Variants in ABCA13 observed in about 807,000 individuals in gnomAD.
ABCA13 encodes ATP-binding cassette sub-family A member 13.
ABCA13 carries 476 observed loss-of-function variants against 478.7 expected under a neutral mutation model. That is an observed-to-expected ratio of 0.99 (90% CI 0.92 to 1.07). The LOEUF (loss-of-function observed/expected upper bound fraction) is 1.07. Among genes scored for constraint, ABCA13 ranks in the 50% least tolerant of loss-of-function variants. The pLI, the probability that ABCA13 is intolerant of heterozygous loss-of-function variation, is 0.00. For synonymous variants in ABCA13, 2,252 were observed against 2,158.9 expected (o/e 1.04, Z -1.20); for missense variants, 6,060 against 5,910.6 (o/e 1.03, Z -0.83).
chr7:48,249,718 A>T (rs1223915957), intron 15 of ABCA13, among the ~76,000 whole-genome samples: 1 of 152,190 alleles, frequency 6.6e-6, no homozygotes, highest in Non-Finnish European at 1.5e-5. Flanking sequence ...ATTAAGATTG[A>T]TGCTCACACT....
At chr7:48,256,723 T>C (rs1403975549) in intron 15 of ABCA13, among the ~76,000 whole-genome samples, 4 of 152,194 alleles carry the variant, frequency 2.6e-5, no homozygotes, top group South Asian at 2.1e-4. Flanking sequence ...TCTGTAGCCA[T>C]GTAGTATAGT....
chr7:48,294,426 T>G (rs1185830491), intron 20 of ABCA13, among the ~76,000 whole-genome samples: 3 of 39,410 alleles, frequency 7.6e-5, no homozygotes, highest in East Asian at 7.2e-3. Flanking sequence ...TTTCTATGGG[T>G]TTTTTTTTTT....
intron 55 of ABCA13, among the ~76,000 whole-genome samples, chr7:48,576,480 A>G (rs1325570652): frequency 1.3e-5 from 2 of 152,114 alleles, no homozygotes; most frequent in East Asian, 3.9e-4. Context: ...GTATGCCCAG[A>G]CCTCTGTAAG....
intron 2 of ABCA13, among the ~76,000 whole-genome samples, chr7:48,196,034 A>G (rs1347469174): frequency 6.6e-6 from 1 of 152,182 alleles, no homozygotes; most frequent in Non-Finnish European, 1.5e-5. Flanking sequence ...GGGCAAAAAA[A>G]GCTTGCATGC....
chr7:48,368,595 ATAGT>A (rs1812071780), intron 32 of ABCA13, among the ~76,000 whole-genome samples: 1 of 151,148 alleles, frequency 6.6e-6, no homozygotes, highest in Admixed American at 6.6e-5. Flanking sequence ...GCTTAGAATA[ATAGT>A]CTCTAATTCC....
At chr7:48,230,441 A>G (rs1788879889) in intron 7 of ABCA13, among the ~76,000 whole-genome samples, 1 of 152,162 alleles carries the variant, frequency 6.6e-6, no homozygotes, top group African/African-American at 2.4e-5. Flanking sequence ...GATCCAGGAT[A>G]TTATTATTTC....
Position 48,447,806 on chromosome 7 carries a change from G to A in ABCA13, c.12566-7231G>A, listed in dbSNP as rs1202255265. On this transcript the variant is annotated intron_variant, in intron 42 of 61. Coordinates refer to ENST00000435803, the MANE Select transcript of ABCA13 (RefSeq NM_152701.5). ...GCTGGGGAGTGAGATTAAAGCTGAA[G>A]ATATTGAGATGAATTTAAATTAAGC... 2.0e-5 allele frequency among the ~76,000 whole-genome samples: 3 copies of A among 152,112 alleles called. No individual in the cohort carries two copies. In the East Asian group the frequency reaches 5.8e-4, roughly 29 times the overall value.
chr7:48,381,804 G>A (rs1814430589), intron 35 of ABCA13, among the ~76,000 whole-genome samples: 2 of 152,184 alleles, frequency 1.3e-5, no homozygotes, highest in South Asian at 4.1e-4. Context: ...TAAATGGAGG[G>A]CCTTTGCACA....
At chr7:48,505,670 G>A (rs987553990) in intron 48 of ABCA13, among the ~76,000 whole-genome samples, 30 of 152,232 alleles carry the variant, frequency 2.0e-4, no homozygotes, top group African/African-American at 7.0e-4. Context: ...GATAAAACAC[G>A]AACCAACTTT....
intron 59 of ABCA13, among the ~76,000 whole-genome samples, chr7:48,621,495 A>C (rs1331984177): frequency 6.6e-6 from 1 of 152,188 alleles, no homozygotes; most frequent in Non-Finnish European, 1.5e-5. Flanking sequence ...GGGGTACCAC[A>C]ATAAAGAGGA....
chr7:48,267,142 T>A (rs918849160), intron 15 of ABCA13, among the ~76,000 whole-genome samples: 1 of 152,076 alleles, frequency 6.6e-6, no homozygotes, highest in African/African-American at 2.4e-5. Flanking sequence ...GAGAAGAATA[T>A]GTATTATGTT....
chr7:48,485,854 C>A (rs892475604), intron 47 of ABCA13, among the ~76,000 whole-genome samples: 14 of 152,148 alleles, frequency 9.2e-5, no homozygotes, highest in Non-Finnish European at 1.9e-4. Context: ...TTGGAATGTT[C>A]CCCAGCTCAT....
chr7:48,548,739 C>T (rs1340964669), intron 55 of ABCA13, among the ~76,000 whole-genome samples: 1 of 151,754 alleles, frequency 6.6e-6, no homozygotes, highest in East Asian at 1.9e-4. Flanking sequence ...CAGCTGCTCT[C>T]GTTACATAGA....
chr7:48,612,155 C>T (rs907768074), intron 58 of ABCA13: 4 of 152,124 alleles, frequency 2.6e-5, no homozygotes, highest in Non-Finnish European at 5.9e-5. Context: ...TCATCAGCAC[C>T]GTATCTACAT....
At chr7:48,356,174 C>T (rs1330843138) in intron 31 of ABCA13, among the ~76,000 whole-genome samples, 2 of 151,846 alleles carry the variant, frequency 1.3e-5, no homozygotes, top group Non-Finnish European at 2.9e-5. Flanking sequence ...ATATGTGGCT[C>T]ATGGGTGAAA....
chr7:48,500,584 C>T (rs1186286472), intron 48 of ABCA13, among the ~76,000 whole-genome samples: 23 of 152,132 alleles, frequency 1.5e-4, no homozygotes, highest in Admixed American at 1.4e-3. Flanking sequence ...CTGCTTTCAA[C>T]GAATGACTAT....
At chr7:48,589,661 T>A (rs967543409) in intron 57 of ABCA13, among the ~76,000 whole-genome samples, 2 of 152,206 alleles carry the variant, frequency 1.3e-5, no homozygotes, top group Admixed American at 1.3e-4. Context: ...ACTGTGCTGC[T>A]ATAACAGACT....
At chr7:48,477,153 G>T (rs1828190925) in intron 45 of ABCA13, among the ~76,000 whole-genome samples, 1 of 152,156 alleles carries the variant, frequency 6.6e-6, no homozygotes, top group Admixed American at 6.5e-5. Flanking sequence ...GTTTAATACA[G>T]AGGGTGTATT....
chr7:48,283,550 T>C (rs1330988548), intron 19 of ABCA13, among the ~76,000 whole-genome samples: 1 of 152,100 alleles, frequency 6.6e-6, no homozygotes, highest in South Asian at 2.1e-4. Context: ...ATAGGCATGA[T>C]AGGCATTCAA....
Sources: gnomAD v4.1 joint callset for allele counts (sites outside exome capture counted in the v4.1 genomes callset) on GRCh38, gnomAD v4.1.1 for gene constraint, MANE v1.5 for transcripts, NCBI Gene and HGNC (gene_info 2026-07-23, HGNC 2026-07-21) for gene names.